The following CASTOR2 variants were observed in gnomAD, a reference collection of about 807,000 sequenced individuals.
CASTOR2 encodes GATS protein like 2.
A neutral mutation model predicts 31.2 loss-of-function variants in CASTOR2; 8 were observed. The observed-to-expected ratio is 0.26, with a 90% CI of 0.15 to 0.46. The LOEUF (loss-of-function observed/expected upper bound fraction) is 0.46, where lower values mean the gene tolerates loss of function less well. CASTOR2 is among the 20% of genes least tolerant of loss of function. The pLI, the probability that CASTOR2 is intolerant of heterozygous loss-of-function variation, is 0.99. For synonymous variants in CASTOR2, 162 were observed against 158.7 expected (o/e 1.02, Z -0.16); for missense variants, 216 against 382.1 (o/e 0.57, Z 3.62).
chr7:74,981,737 T>A (rs1183697768), intron 1 of CASTOR2, among the ~76,000 whole-genome samples: 1 of 151,082 alleles, frequency 6.6e-6, no homozygotes, highest in Non-Finnish European at 1.5e-5. Flanking sequence ...TATTTTTTTT[T>A]TAATAATTTT....
intron 1 of CASTOR2, among the ~76,000 whole-genome samples, chr7:74,996,216 G>T (rs1301334614): frequency 4.6e-5 from 7 of 152,204 alleles, no homozygotes; most frequent in African/African-American, 1.4e-4. Flanking sequence ...TTTGGGCAGG[G>T]GTCATCTAAG....
At position 75,021,963 on chromosome 7, in the gene CASTOR2, C is replaced by A. The variant is rs2131957397; in HGVS notation, c.829+7C>A. The A allele has an allele frequency of 1.3e-6, 2 of 1,551,650 alleles. No individual in the cohort carries two copies. Among genetic ancestry groups the A allele is most frequent in the African/African-American group, 1.4e-5 (1 of 73,148 alleles). Reference sequence around the variant, plus strand: ...GGACAGCCCCTGGGGTTTGGTGAGTCCTGGGGGGATTACATGGGGAATTGA... The same window carrying A: ...GGACAGCCCCTGGGGTTTGGTGAGTACTGGGGGGATTACATGGGGAATTGA... On this transcript the variant is annotated splice_region_variant and intron_variant, in intron 7 of 8. Transcript: ENST00000616305.
chr7:75,012,774 G>A (rs1554439597), intron 2 of CASTOR2, among the ~76,000 whole-genome samples: 1 of 151,552 alleles, frequency 6.6e-6, no homozygotes, highest in African/African-American at 2.4e-5. Context: ...GAGTAGTTGA[G>A]ACTACAGGCA....
rs1805184714 is a variant in CASTOR2, at chr7:75,027,973, G to C, written c.*3274G>C. The C allele has an allele frequency of 4.6e-6, 7 of 1,505,646 alleles. No individual in the cohort carries two copies. The highest frequency in any genetic ancestry group is 5.4e-6 in the Non-Finnish European group (6 of 1,120,566). 93.3% of individuals were successfully genotyped at this position (1,505,646 alleles called of 1,614,324 possible). On this transcript the variant is annotated 3_prime_UTR_variant, in exon 9 of 9. Transcript: ENST00000616305. ...GGAGGGGCATGTGTTTCTCAGAGGG[G>C]CTCCATCCGCAGTTGCATGGAACTC...
chr7:75,005,880 A>G (rs1804595179), intron 1 of CASTOR2, among the ~76,000 whole-genome samples: 35 of 152,248 alleles, frequency 2.3e-4, no homozygotes, highest in Non-Finnish European at 2.9e-5. Flanking sequence ...CTATAATCCC[A>G]GCACTTTGGG....
intron 1 of CASTOR2, among the ~76,000 whole-genome samples, chr7:75,007,452 CG>C (rs1458950409): frequency 1.3e-5 from 2 of 152,162 alleles, no homozygotes; most frequent in Non-Finnish European, 2.9e-5. Context: ...AAAAATGTCA[CG>C]GATGGCTGCA....
rs1282065575 is a variant in CASTOR2, at chr7:75,025,370, C to A, written c.*671C>A. ...AGCAAGACTGCCAAGAGGGCCCTGT[C>A]CAGACCCTCCCCCACAAGCACTCAG... is the stretch of plus-strand genomic sequence containing the variant. On this transcript the variant is annotated 3_prime_UTR_variant, in exon 9 of 9. Transcript: ENST00000616305. Among the ~76,000 whole-genome samples, 5 of 152,114 alleles carry A rather than the reference C, an allele frequency of 3.3e-5. No individual in the cohort carries two copies. The highest frequency in any genetic ancestry group is 1.5e-5 in the Non-Finnish European group (1 of 67,996).
chr7:74,986,887 A>T (rs1804079521), intron 1 of CASTOR2, among the ~76,000 whole-genome samples: 1 of 151,618 alleles, frequency 6.6e-6, no homozygotes, highest in Admixed American at 6.6e-5. Flanking sequence ...TCTTGATAAA[A>T]TTTTTTAAAT....
Position 75,030,271 on chromosome 7 carries a change from G to A in CASTOR2, c.*5572G>A, listed in dbSNP as rs1170265137. 1.3e-5 allele frequency among the ~76,000 whole-genome samples: 2 copies of A among 152,244 alleles called. No homozygotes were observed. Among genetic ancestry groups the A allele is most frequent in the African/African-American group, 2.4e-5 (1 of 41,464 alleles). Reference sequence around the variant, plus strand: ...TTCCTATGCATTAGAGTGTGTGCGTGCACGTGTGCAGAGCCCACACCTGAG... The same window carrying A: ...TTCCTATGCATTAGAGTGTGTGCGTACACGTGTGCAGAGCCCACACCTGAG... On this transcript the variant is annotated 3_prime_UTR_variant, in exon 9 of 9. Coordinates refer to ENST00000616305, the MANE Select transcript of CASTOR2 (RefSeq NM_001145064.3).
chr7:75,017,949 A>G (rs1804904283), intron 3 of CASTOR2, 41 bp from the exon 4 acceptor site: 7 of 1,613,900 alleles, frequency 4.3e-6, no homozygotes, highest in Non-Finnish European at 5.9e-6. Context: ...CACATCCCCC[A>G]GGGCCACCAG....
At chr7:74,967,187 C>A (rs1303550198) in intron 1 of CASTOR2, among the ~76,000 whole-genome samples, 5 of 88,814 alleles carry the variant, frequency 5.6e-5, no homozygotes, top group Admixed American at 1.4e-4. Context: ...TGACCACAGC[C>A]CCCTGCCTGC....
intron 1 of CASTOR2, among the ~76,000 whole-genome samples, chr7:74,995,677 A>G (rs1303634596): frequency 6.6e-6 from 1 of 151,844 alleles, no homozygotes; most frequent in African/African-American, 2.4e-5. Flanking sequence ...GTGTGGTGGC[A>G]GGCGCCTGTA....
rs1247064437 is a variant in CASTOR2 at position 75,029,693 on chromosome 7, G to C, written c.*4994G>C. Among the ~76,000 whole-genome samples the C allele has an allele frequency of 6.6e-6, 1 of 152,130 alleles. No individual in the cohort carries two copies. Among genetic ancestry groups the C allele is most frequent in the African/African-American group, 2.4e-5 (1 of 41,430 alleles). On this transcript the variant is annotated 3_prime_UTR_variant, in exon 9 of 9. Transcript: ENST00000616305. ...TGAGTGAAGCGCTTTGCATGGGGAT[G>C]GGAAGAAGCACCCCCAACCTTCTAG...
chr7:75,017,945 C>A, intron 3 of CASTOR2, 45 bp from the exon 4 acceptor site: 1 of 1,614,060 alleles, frequency 6.2e-7, no homozygotes, highest in Admixed American at 1.7e-5. Context: ...GACCCACATC[C>A]CCCAGGGCCA....
At chr7:74,994,988 C>T (rs1554437758) in intron 1 of CASTOR2, among the ~76,000 whole-genome samples, 4 of 152,014 alleles carry the variant, frequency 2.6e-5, no homozygotes, top group African/African-American at 7.3e-5. Context: ...GGAGACCGTG[C>T]GGGAGATTGC....
At chr7:75,018,891 C>T in intron 4 of CASTOR2, 81 bp from the exon 5 acceptor site, 1 of 1,550,028 alleles carries the variant, frequency 6.5e-7, no homozygotes, top group Middle Eastern at 1.7e-4. Context: ...CCCTCCCCAG[C>T]CCTCTTCCCA....
At chr7:75,017,959 G>A in intron 3 of CASTOR2, 31 bp from the exon 4 acceptor site, 1 of 1,614,144 alleles carries the variant, frequency 6.2e-7, no homozygotes, top group Non-Finnish European at 8.5e-7. Flanking sequence ...AGGGCCACCA[G>A]GCACACACGG....
At chr7:75,024,015 C>T (rs1295507779) in intron 7 of CASTOR2, among the ~76,000 whole-genome samples, 5 of 152,020 alleles carry the variant, frequency 3.3e-5, no homozygotes, top group South Asian at 4.2e-4. Context: ...AGGCCAGGCA[C>T]GGTGGCTCAC....
rs1437438000 is a variant in CASTOR2, at chr7:74,990,642, G to T, written c.114-17352G>T. On this transcript the variant is annotated intron_variant, in intron 1 of 8. Transcript: ENST00000616305. ...GGCCAAGGCGGGTGGATCGCTTGAG[G>T]TCAGGAGTTTGAGACCAGCCTGGCC... Among the ~76,000 whole-genome samples the T allele has an allele frequency of 7.6e-4, 116 of 152,274 alleles. 1 individual carries two copies. The highest frequency in any genetic ancestry group is 4.1e-4 in the South Asian group (2 of 4,822).
Sources: allele counts gnomAD v4.1 joint callset (sites outside exome capture counted in the v4.1 genomes callset), GRCh38; gene constraint gnomAD v4.1.1; transcripts MANE v1.5; gene names NCBI Gene and HGNC (gene_info 2026-07-23, HGNC 2026-07-21).